Variants in RNF8 observed in about 807,000 individuals in gnomAD.
RNF8 encodes ring finger protein 8.
RNF8 carries 8 observed loss-of-function variants against 59.3 expected under a neutral mutation model. The observed-to-expected ratio is 0.13, with a 90% CI of 0.08 to 0.24. The LOEUF (loss-of-function observed/expected upper bound fraction) is 0.24, where lower values mean the gene tolerates loss of function less well. RNF8 is among the 10% of genes least tolerant of loss of function. The pLI is 1.00. For synonymous variants in RNF8, 162 were observed against 200.0 expected (o/e 0.81, Z 1.60); for missense variants, 406 against 572.6 (o/e 0.71, Z 2.97).
intron 6 of RNF8, among the ~76,000 whole-genome samples, chr6:37,378,600 CAAAAAA>C (rs554259061): frequency 5.3e-5 from 3 of 56,548 alleles, no homozygotes; most frequent in African/African-American, 1.6e-4. Flanking sequence ...GACTCCGTCT[CAAAAAA>C]AAAAAAAAAA....
rs972789248 is a variant in RNF8 at position 37,392,684 on chromosome 6, C to T, written c.*1926C>T. 5.0e-6 allele frequency: 2 copies of T among 398,308 alleles called. No individual in the cohort carries two copies. The highest frequency in any genetic ancestry group is 4.4e-6 in the Non-Finnish European group (1 of 226,034). The allele number at this position is 398,308 out of a possible 1,614,324, so 24.7% of individuals were successfully genotyped here. A position where few individuals can be genotyped will look rare whatever the true frequency, so the allele number is the denominator to read the frequency against. ...CTGTTTTTTCATTGTGTATTTGCACCATCATTTACTTTTCTGGCTTACTTT... is the reference window on the plus strand; with the variant it reads ...CTGTTTTTTCATTGTGTATTTGCACTATCATTTACTTTTCTGGCTTACTTT... On this transcript the variant is annotated 3_prime_UTR_variant, in exon 8 of 8. Coordinates refer to ENST00000373479, the MANE Select transcript of RNF8 (RefSeq NM_003958.4).
chr6:37,368,296 G>C, intron 2 of RNF8, 188 bp from the exon 3 acceptor site: 2 of 1,418,648 alleles, frequency 1.4e-6, no homozygotes, highest in Non-Finnish European at 1.9e-6. Flanking sequence ...TGAAATATAG[G>C]TAAAAAGCCA....
rs564190203 is a variant in RNF8 at position 37,365,049 on chromosome 6, G to T, written c.241-3435G>T. On this transcript the variant is annotated intron_variant, in intron 2 of 7. Coordinates refer to ENST00000373479, the MANE Select transcript of RNF8 (RefSeq NM_003958.4). ...TTCCCAAAGTGTTAGGATTACAGGCGTGAGCCACCACACCTGGCCTGTAGT... is the reference window on the plus strand; with the variant it reads ...TTCCCAAAGTGTTAGGATTACAGGCTTGAGCCACCACACCTGGCCTGTAGT... Among the ~76,000 whole-genome samples, 7 of 152,196 alleles carry T rather than the reference G, an allele frequency of 4.6e-5. No homozygotes were observed. The South Asian group carries it at 1.5e-3, about 32-fold the overall frequency.
At chr6:37,368,128 A>AT (rs1001425595) in intron 2 of RNF8, among the ~76,000 whole-genome samples, 3 of 152,104 alleles carry the variant, frequency 2.0e-5, no homozygotes, top group African/African-American at 7.2e-5. Flanking sequence ...CACTAATAGC[A>AT]TTTTTTCTAG....
At chr6:37,368,439 A>G in intron 2 of RNF8, 45 bp from the exon 3 acceptor site, 1 of 1,613,994 alleles carries the variant, frequency 6.2e-7, no homozygotes. Context: ...CTTTAAGAAG[A>G]CGAAAATCAT....
At position 37,392,283 on chromosome 6, in the gene RNF8, T is replaced by C. The variant is rs888867944; in HGVS notation, c.*1525T>C. On this transcript the variant is annotated 3_prime_UTR_variant, in exon 8 of 8. Transcript: ENST00000373479. ...ACATGTGTTTTGTTTATAGATTGCA[T>C]GGGTATATGTCAATTTTTATATGTT... 5.0e-6 allele frequency: 2 copies of C among 396,248 alleles called. No homozygotes were observed. Among genetic ancestry groups the C allele is most frequent in the Non-Finnish European group, 8.9e-6 (2 of 225,132 alleles). The allele number at this position is 396,248 out of a possible 1,614,324, so 24.5% of individuals were successfully genotyped here. A position where few individuals can be genotyped will look rare whatever the true frequency, so the allele number is the denominator to read the frequency against.
intron 1 of RNF8, among the ~76,000 whole-genome samples, chr6:37,355,850 C>G (rs1769094518): frequency 6.6e-6 from 1 of 152,094 alleles, no homozygotes; most frequent in Non-Finnish European, 1.5e-5. Flanking sequence ...AATTAAAACA[C>G]GAACACCTGA....
rs866010564 is a variant in RNF8, at chr6:37,385,240, C to T, written c.1441+3886C>T. On this transcript the variant is annotated intron_variant, in intron 7 of 7. Transcript: ENST00000373479. ...GTTGGTCAGGCTGGTCTTGAACTCCCGACCTCAGGTGATCCGCCCACCTCT... is the reference window on the plus strand; with the variant it reads ...GTTGGTCAGGCTGGTCTTGAACTCCTGACCTCAGGTGATCCGCCCACCTCT... Among the ~76,000 whole-genome samples, 6 of 151,148 alleles carry T rather than the reference C, an allele frequency of 4.0e-5. No individual in the cohort carries two copies. The East Asian group carries it at 8.0e-4, about 20-fold the overall frequency.
chr6:37,369,351 A>G, intron 3 of RNF8, 133 bp downstream of exon 3: 4 of 1,110,294 alleles, frequency 3.6e-6, no homozygotes, highest in Non-Finnish European at 5.1e-6. Flanking sequence ...ATGGAATGGG[A>G]ACAGTAAACT....
chr6:37,376,654 A>C (rs900316757), intron 5 of RNF8, among the ~76,000 whole-genome samples: 1 of 152,224 alleles, frequency 6.6e-6, no homozygotes, highest in Non-Finnish European at 1.5e-5. Context: ...ACGTTTGAAA[A>C]TAAGTTTCAA....
chr6:37,354,995 G>A (rs1468441413), intron 1 of RNF8, among the ~76,000 whole-genome samples: 1 of 152,232 alleles, frequency 6.6e-6, no homozygotes, highest in Non-Finnish European at 1.5e-5. Context: ...GCTCGGTACG[G>A]CCGAGTGGCA....
chr6:37,388,636 G>A (rs564158986), intron 7 of RNF8, among the ~76,000 whole-genome samples: 1 of 152,030 alleles, frequency 6.6e-6, no homozygotes, highest in Non-Finnish European at 1.5e-5. Flanking sequence ...GGAAAAAGAG[G>A]GATGTGGGGC....
rs1770702733 is a variant in RNF8, at chr6:37,390,803, G to A, written c.*45G>A. The A allele has an allele frequency of 6.2e-7, 1 of 1,614,152 alleles. No individual in the cohort carries two copies. Among genetic ancestry groups the A allele is most frequent in the Non-Finnish European group, 8.5e-7 (1 of 1,179,994 alleles). Reference sequence around the variant, plus strand: ...TTTGAAAGACTGCCAGGTAGTGCGAGCCTGAGATGGTCTGGAGGATTCTCT... The same window carrying A: ...TTTGAAAGACTGCCAGGTAGTGCGAACCTGAGATGGTCTGGAGGATTCTCT... On this transcript the variant is annotated 3_prime_UTR_variant, in exon 8 of 8. Coordinates refer to ENST00000373479, the MANE Select transcript of RNF8 (RefSeq NM_003958.4).
intron 4 of RNF8, 72 bp downstream of exon 4, chr6:37,371,646 G>A: frequency 8.0e-7 from 1 of 1,257,744 alleles, no homozygotes; most frequent in Non-Finnish European, 1.2e-6. Context: ...CATGACCACT[G>A]GCTGCCTCTG....
intron 4 of RNF8, 51 bp from the exon 5 acceptor site, chr6:37,374,569 G>A (rs2113825795): frequency 7.4e-7 from 1 of 1,345,438 alleles, no homozygotes; most frequent in African/African-American, 1.4e-5. Flanking sequence ...TGGCTAAAAG[G>A]AAGGATGCAT....
chr6:37,380,841 A>G (rs1022326352), intron 6 of RNF8, among the ~76,000 whole-genome samples: 13 of 151,796 alleles, frequency 8.6e-5, no homozygotes, highest in Admixed American at 3.3e-4. Context: ...CACCACTGTG[A>G]CTGGCTAATA....
Position 37,390,880 on chromosome 6 carries a change from G to A in RNF8, c.*122G>A. On this transcript the variant is annotated 3_prime_UTR_variant, in exon 8 of 8. Transcript: ENST00000373479. The stretch of plus-strand genomic sequence containing the variant: ...GTCAACTGAGAAGTCTTGTGGGACA[G>A]AGACTTGAGTTAGGAAGCCCTCAGT... The A allele has an allele frequency of 6.4e-7, 1 of 1,552,994 alleles. No individual in the cohort carries two copies. The highest frequency in any genetic ancestry group is 8.9e-7 in the Non-Finnish European group (1 of 1,124,766).
At chr6:37,384,753 C>G (rs1770422373) in intron 7 of RNF8, among the ~76,000 whole-genome samples, 1 of 152,218 alleles carries the variant, frequency 6.6e-6, no homozygotes, top group South Asian at 2.1e-4. Flanking sequence ...TCCTCCTTTG[C>G]TGAAAGACAG....
intron 2 of RNF8, among the ~76,000 whole-genome samples, chr6:37,363,100 G>T (rs1363777726): frequency 2.0e-5 from 3 of 152,160 alleles, no homozygotes; most frequent in Non-Finnish European, 2.9e-5. Context: ...CTCTCCTGTT[G>T]CTTTTCACCT....
Sources: gnomAD v4.1 joint callset for allele counts (sites outside exome capture counted in the v4.1 genomes callset) on GRCh38, gnomAD v4.1.1 for gene constraint, MANE v1.5 for transcripts, NCBI Gene and HGNC (gene_info 2026-07-23, HGNC 2026-07-21) for gene names.